UBE3B: variants seen among roughly 807,000 people sequenced by gnomAD.
UBE3B encodes the protein ubiquitin protein ligase E3B, also known as ubiquitin-protein ligase E3B.
In UBE3B, 80 loss-of-function variants were observed where a neutral mutation model predicts 132.3. The ratio of observed to expected loss-of-function variants is 0.60; its 90% confidence interval spans 0.50 to 0.73. UBE3B has a LOEUF of 0.73. Among genes scored for constraint, UBE3B ranks in the 30% least tolerant of loss-of-function variants. UBE3B has a pLI of 0.00. For synonymous variants in UBE3B, 487 were observed against 520.4 expected (o/e 0.94, Z 0.87); for missense variants, 1,196 against 1,362.5 (o/e 0.88, Z 1.92).
intron 23 of UBE3B, 135 bp downstream of exon 23, chr12:109,524,638 C>A: frequency 1.1e-6 from 1 of 914,606 alleles, no homozygotes. Flanking sequence ...CACCCCTCGC[C>A]CATCCTCCTC....
intron 26 of UBE3B, among the ~76,000 whole-genome samples, chr12:109,532,770 C>T (rs1371928406): frequency 6.6e-6 from 1 of 152,222 alleles, no homozygotes; most frequent in African/African-American, 2.4e-5. Flanking sequence ...ACTTGGGCTG[C>T]CGGCACCTCA....
At chr12:109,481,923 A>G (rs1465054479) in intron 2 of UBE3B, among the ~76,000 whole-genome samples, 181 bp downstream of exon 2, 1 of 152,174 alleles carries the variant, frequency 6.6e-6, no homozygotes, top group Non-Finnish European at 1.5e-5. Flanking sequence ...CCTGTGGTCA[A>G]GTGGGCTCTG....
intron 9 of UBE3B, among the ~76,000 whole-genome samples, chr12:109,495,299 C>A (rs956034682): frequency 2.0e-5 from 3 of 152,238 alleles, no homozygotes; most frequent in African/African-American, 7.2e-5. Flanking sequence ...AGCACATTAG[C>A]TAGAAGAAAC....
At chr12:109,497,793 A>G in intron 9 of UBE3B, 25 bp from the exon 10 acceptor site, 1 of 1,612,814 alleles carries the variant, frequency 6.2e-7, no homozygotes, top group Non-Finnish European at 8.5e-7. Flanking sequence ...GACCTGTCTG[A>G]ATGAGTGGAT....
Position 109,481,686 on chromosome 12 carries a change from C to T in UBE3B, c.-78C>T, listed in dbSNP as rs940850624. On this transcript the variant is annotated 5_prime_UTR_variant, in exon 2 of 28. Transcript: ENST00000342494. The stretch of plus-strand genomic sequence containing the variant: ...TGAGAAGCTGTTCTCAGCCACGAGT[C>T]CTGTGCAAGATCACTAATGATTACC... 1 of 152,204 alleles carries T rather than the reference C, an allele frequency of 6.6e-6. No individual in the cohort carries two copies. The highest frequency in any genetic ancestry group is 1.5e-5 in the Non-Finnish European group (1 of 68,036). The allele number at this position is 152,204 out of a possible 1,614,324, so 9.4% of individuals were successfully genotyped here. A position where few individuals can be genotyped will look rare whatever the true frequency, so the allele number is the denominator to read the frequency against.
In UBE3B at chr12:109,530,053, A is replaced by T; in HGVS notation, c.2791A>T (p.Ile931Phe). ...TCTCATCTCTGGCGACAATGCTGAGATTGATCTGGAAGATTTAAAGTAAGA... is the reference window on the plus strand; with the variant it reads ...TCTCATCTCTGGCGACAATGCTGAGTTTGATCTGGAAGATTTAAAGTAAGA... ...QRLISGDNAE[I>F]DLEDLKKHTV... is the part of the protein sequence containing the mutation. Residue 931 changes from isoleucine (I) to phenylalanine (F), a missense_variant, in exon 25 of 28, where the codon ATT becomes TTT. Ile to Phe is a conservative substitution (Grantham distance 21). Coordinates refer to ENST00000342494, the MANE Select transcript of UBE3B (RefSeq NM_130466.4). 6.2e-7 allele frequency: 1 copy of T among 1,604,578 alleles called. No individual in the cohort carries two copies. The highest frequency in any genetic ancestry group is 8.5e-7 in the Non-Finnish European group (1 of 1,172,900).
intron 18 of UBE3B, 45 bp downstream of exon 18, chr12:109,511,348 C>G: frequency 6.4e-7 from 1 of 1,571,760 alleles, no homozygotes; most frequent in South Asian, 1.1e-5. Flanking sequence ...TTTCTATTCC[C>G]CCACGTGGTT....
chr12:109,529,641 A>G (rs1036816320), intron 24 of UBE3B, among the ~76,000 whole-genome samples: 2 of 152,138 alleles, frequency 1.3e-5, no homozygotes, highest in Admixed American at 6.5e-5. Context: ...GGTGTGACCT[A>G]TGGGTTTTGG....
rs1566065537 is a variant in UBE3B, at chr12:109,478,812, G to A, written c.-128+703G>A. The stretch of plus-strand genomic sequence containing the variant: ...ACAAAGATTATCGAGAACTGATAGA[G>A]CTGTTGAAAAGACAAGTTGGTTAAA... On this transcript the variant is annotated intron_variant, in intron 1 of 27. Coordinates refer to ENST00000342494, the MANE Select transcript of UBE3B (RefSeq NM_130466.4). Among the ~76,000 whole-genome samples, 3 of 152,222 alleles carry A rather than the reference G, an allele frequency of 2.0e-5. No individual in the cohort carries two copies. The South Asian group carries it at 6.2e-4, about 32-fold the overall frequency.
At position 109,521,909 on chromosome 12, in the gene UBE3B, G is replaced by A. The variant is rs1881764651; in HGVS notation, c.2364+358G>A. ...TAAGGCCAGCCCTCTTCTTTCCTGA[G>A]GCATGAGGAGTGGTGTGCAGAGCCA... On this transcript the variant is annotated intron_variant, in intron 21 of 27. Transcript: ENST00000342494. This position sits in a 1 kb window ranked among gnomAD's most constrained non-coding sequence, Gnocchi z 4.2. Among the ~76,000 whole-genome samples, 1 of 152,182 alleles carries A rather than the reference G, an allele frequency of 6.6e-6. No homozygotes were observed. The highest frequency in any genetic ancestry group is 1.5e-5 in the Non-Finnish European group (1 of 68,030).
At chr12:109,545,491 T>C in the UBE3B span, among the ~76,000 whole-genome samples, 3 of 152,246 alleles carry the variant, frequency 2.0e-5, no homozygotes, top group Non-Finnish European at 2.9e-5. Context: ...AGTGCTGTGC[T>C]ATTCTGATGC....
intron 7 of UBE3B, 136 bp from the exon 8 acceptor site, chr12:109,489,783 C>G (rs919281143): frequency 6.5e-6 from 5 of 769,836 alleles, no homozygotes; most frequent in Non-Finnish European, 8.9e-6. Flanking sequence ...GGCACCAGGC[C>G]TAAGGGAAAA....
chr12:109,484,867 C>G (rs1017514120), intron 4 of UBE3B, among the ~76,000 whole-genome samples: 1 of 152,176 alleles, frequency 6.6e-6, no homozygotes, highest in Non-Finnish European at 1.5e-5. Context: ...AACGATTCTT[C>G]TGCCTCAGCC....
chr12:109,517,914 G>C (rs1457683831), intron 19 of UBE3B: 1 of 445,098 alleles, frequency 2.2e-6, no homozygotes, highest in Non-Finnish European at 4.6e-6. Flanking sequence ...CTCCTTACTG[G>C]AGAGCTTGTT....
intron 24 of UBE3B, among the ~76,000 whole-genome samples, chr12:109,529,197 G>A (rs1000961375): frequency 3.3e-5 from 5 of 152,098 alleles, no homozygotes; most frequent in African/African-American, 9.7e-5. Context: ...AGAAATTAGC[G>A]ATGCTAGCAA....
At chr12:109,507,891 T>C (rs1879889062) in intron 15 of UBE3B, among the ~76,000 whole-genome samples, 156 bp downstream of exon 15, 1 of 152,210 alleles carries the variant, frequency 6.6e-6, no homozygotes, top group Non-Finnish European at 1.5e-5. Context: ...AAGTGAGCAG[T>C]GTGCAGTAAA....
At chr12:109,504,869 A>G (rs935638167) in intron 14 of UBE3B, among the ~76,000 whole-genome samples, 19 of 151,636 alleles carry the variant, frequency 1.3e-4, no homozygotes, top group Non-Finnish European at 2.2e-4. Flanking sequence ...CAGTAGCGCA[A>G]TCTCGGCTCA....
At position 109,510,438 on chromosome 12, in the gene UBE3B, C is replaced by G. The variant is rs575480347; in HGVS notation, c.1836C>G (p.Pro612=). ...YERDCRRRFT[P]EDHWLRKDLK... ...GGGACTGCCGGCGGCGCTTCACCCC[C>G]GAGGACCACTGGCTGCGAAAGTGAG... The change falls in exon 17 of 28, where the codon CCC becomes CCG. Residue 612 remains proline (P), a synonymous_variant. Coordinates refer to ENST00000342494, the MANE Select transcript of UBE3B (RefSeq NM_130466.4). The G allele has an allele frequency of 7.4e-6, 12 of 1,612,042 alleles. No individual in the cohort carries two copies. The highest frequency in any genetic ancestry group is 9.3e-6 in the Non-Finnish European group (11 of 1,179,384).
At chr12:109,540,851 T>C (rs911684796), downstream of UBE3B, among the ~76,000 whole-genome samples, 1 of 152,202 alleles carries the variant, frequency 6.6e-6, no homozygotes, top group Non-Finnish European at 1.5e-5. Flanking sequence ...CTTGTGCTGT[T>C]GCAAAGAGCA....
Sources: gnomAD v4.1 joint callset for allele counts (sites outside exome capture counted in the v4.1 genomes callset) on GRCh38, gnomAD v4.1.1 for gene constraint, Gnocchi (gnomAD v3.1) non-coding constraint, MANE v1.5 for transcripts, NCBI Gene and HGNC (gene_info 2026-07-23, HGNC 2026-07-21) for gene names.